Variants in HUWE1 observed in about 807,000 individuals in gnomAD.
HUWE1 encodes the protein E3 ubiquitin-protein ligase HUWE1.
Under a neutral mutation model 299.4 loss-of-function variants are expected in HUWE1, and 18 were observed. The ratio of observed to expected loss-of-function variants is 0.06; its 90% confidence interval spans 0.04 to 0.09. The LOEUF is 0.09. Among genes scored for constraint, HUWE1 ranks in the 10% least tolerant of loss-of-function variants. The pLI is 1.00. For synonymous variants in HUWE1, 1,317 were observed against 1,286.1 expected (o/e 1.02, Z -0.51); for missense variants, 1,832 against 3,462.3 (o/e 0.53, Z 11.82).
chrX:53,549,453 G>C lies in HUWE1; in HGVS notation c.9541C>G (p.Leu3181Val). 8.3e-7 allele frequency: 1 copy of C among 1,211,249 alleles called. No individual in the cohort carries two copies. Among genetic ancestry groups the C allele is most frequent in the Non-Finnish European group, 1.1e-6 (1 of 895,332 alleles). Residue 3181 changes from leucine (L) to valine (V), a missense_variant, in exon 67 of 84, where the codon CTG (leucine) becomes GTG (valine). Physicochemically the swap from Leu to Val is conservative, Grantham distance 32. Coordinates refer to ENST00000262854, the MANE Select transcript of HUWE1 (RefSeq NM_031407.7). ...AGACAAGAAAGGGCTTCGTGGTCCA[G>C]AAGGAGCCGTCCTCGGAGGCGGAGG... The part of the protein sequence containing the change: ...TLLRLRGRLL[L>V]DHEALSCLLV...
At chrX:53,670,258 A>C (rs1557048898) in intron 3 of HUWE1, among the ~76,000 whole-genome samples, 2 of 112,193 alleles carry the variant, frequency 1.8e-5, no homozygotes, top group Non-Finnish European at 3.8e-5. Flanking sequence ...TCTCATAGGA[A>C]GAGGACCACT....
chrX:53,661,163 T>G (rs1357328120), intron 3 of HUWE1, among the ~76,000 whole-genome samples: 2 of 108,632 alleles, frequency 1.8e-5, no homozygotes, highest in Non-Finnish European at 3.8e-5. Flanking sequence ...GCCTCCCGAG[T>G]AGCTGGGACT....
intron 3 of HUWE1, among the ~76,000 whole-genome samples, chrX:53,660,718 T>C (rs185831388): frequency 1.3e-4 from 15 of 111,881 alleles, no homozygotes; most frequent in African/African-American, 3.2e-4. Flanking sequence ...ACATAGCTAA[T>C]TGACATTATT....
chrX:53,563,194 G>C (rs2062373135), intron 52 of HUWE1, among the ~76,000 whole-genome samples: 2 of 112,028 alleles, frequency 1.8e-5, no homozygotes, highest in Non-Finnish European at 3.8e-5. Flanking sequence ...AGGATACTGG[G>C]TATAAAAAAG....
intron 43 of HUWE1, among the ~76,000 whole-genome samples, chrX:53,578,724 A>G (rs1483419487): frequency 1.7e-5 from 1 of 59,091 alleles, no homozygotes; most frequent in Non-Finnish European, 3.1e-5. Context: ...CCGGGAGGTG[A>G]GGGGCGCCTC....
rs782330424 is a variant in HUWE1, at chrX:53,538,294, A to C, written c.11996+43T>G. 4.5e-6 allele frequency: 4 copies of C among 898,134 alleles called. No individual in the cohort carries two copies. The Admixed American group carries it at 8.8e-5, about 20-fold the overall frequency. 74.0% of individuals were successfully genotyped at this position (898,134 alleles called of 1,213,427 possible). ...TTCAGAGGCGAGTTACCATTTGGGG[A>C]GTTCTCACCACCCCTCTACCCCCCA... On this transcript the variant is annotated intron_variant, in intron 77 of 83. Coordinates refer to ENST00000262854, the MANE Select transcript of HUWE1 (RefSeq NM_031407.7).
intron 2 of HUWE1, among the ~76,000 whole-genome samples, chrX:53,682,684 T>A (rs925807540): frequency 9.1e-6 from 1 of 110,189 alleles, no homozygotes; most frequent in African/African-American, 3.3e-5. Flanking sequence ...GATTAAGAAG[T>A]GAGAAGCAGG....
At chrX:53,587,546 A>G (rs2063921157) in intron 37 of HUWE1, among the ~76,000 whole-genome samples, 1 of 112,351 alleles carries the variant, frequency 8.9e-6, no homozygotes, top group African/African-American at 3.2e-5. Flanking sequence ...AAAAAACACT[A>G]AAAGAAAATA....
chrX:53,573,475 T>C (rs1475774356), intron 47 of HUWE1, among the ~76,000 whole-genome samples: 1 of 112,244 alleles, frequency 8.9e-6, no homozygotes, highest in Non-Finnish European at 1.9e-5. Flanking sequence ...GGCTAATTTC[T>C]TTTTGTATTT....
intron 19 of HUWE1, among the ~76,000 whole-genome samples, chrX:53,618,390 A>T (rs1249759407): frequency 1.8e-5 from 2 of 111,004 alleles, no homozygotes; most frequent in Admixed American, 9.6e-5. Flanking sequence ...AATATAAATT[A>T]GAAAAAAGAG....
rs1556988952 is a variant in HUWE1, at chrX:53,600,226, A to G, written c.3055T>C (p.Leu1019=). ...GGTTCATCTGTCTCCATGGGAGCCA[A>G]TGTGTCACCATCTAGCCCAATGCCT... ...LEGIGLDGDT[L]APMETDEPTA... is the part of the protein sequence containing the mutation. Residue 1019 remains leucine (L), a synonymous_variant, in exon 29 of 84, where the codon TTG becomes CTG. Transcript: ENST00000262854. The G allele has an allele frequency of 1.7e-6, 2 of 1,208,529 alleles. No individual in the cohort carries two copies. The highest frequency in any genetic ancestry group is 1.1e-6 in the Non-Finnish European group (1 of 892,586).
At chrX:53,571,528 G>A (rs916220261) in intron 47 of HUWE1, among the ~76,000 whole-genome samples, 2 of 111,349 alleles carry the variant, frequency 1.8e-5, no homozygotes, top group Admixed American at 9.5e-5. Flanking sequence ...CTTGAGCCTG[G>A]GAGTTCAAAG....
At chrX:53,550,641 G>A (rs2061730737) in intron 66 of HUWE1, 25 bp downstream of exon 66, 1 of 1,165,232 alleles carries the variant, frequency 8.6e-7, no homozygotes, top group Non-Finnish European at 1.2e-6. Flanking sequence ...TGGTGATATG[G>A]TAAGGTAAAA....
chrX:53,623,592 C>G (rs2066285924), intron 19 of HUWE1, among the ~76,000 whole-genome samples: 1 of 111,162 alleles, frequency 9.0e-6, no homozygotes, highest in African/African-American at 3.3e-5. Context: ...GCAAAGAGGC[C>G]CATTCTTATT....
chrX:53,632,656 T>C, intron 8 of HUWE1, 92 bp from the exon 9 acceptor site: 1 of 654,490 alleles, frequency 1.5e-6, no homozygotes, highest in East Asian at 3.3e-5. Flanking sequence ...CCTAGCCACT[T>C]GTTCAACTTA....
At chrX:53,677,470 G>A (rs1280317680) in intron 3 of HUWE1, among the ~76,000 whole-genome samples, 1 of 109,676 alleles carries the variant, frequency 9.1e-6, no homozygotes, top group Non-Finnish European at 1.9e-5. Context: ...GTAAGAAATG[G>A]GAGTCAGAAC....
intron 32 of HUWE1, 41 bp from the exon 33 acceptor site, chrX:53,592,669 C>T (rs2064225889): frequency 1.0e-6 from 1 of 952,785 alleles, no homozygotes; most frequent in Non-Finnish European, 1.5e-6. Context: ...CATTTTGCTT[C>T]AATTCAAAGC....
At chrX:53,620,559 G>C (rs2066082042) in intron 19 of HUWE1, among the ~76,000 whole-genome samples, 1 of 111,673 alleles carries the variant, frequency 9.0e-6, no homozygotes, top group Admixed American at 9.4e-5. Context: ...CTGTTGTACT[G>C]TTCACAGAAA....
At chrX:53,577,881 C>T (rs2063239970) in intron 43 of HUWE1, among the ~76,000 whole-genome samples, 1 of 113,533 alleles carries the variant, frequency 8.8e-6, no homozygotes, top group Non-Finnish European at 1.9e-5. Flanking sequence ...ACAACCTCCA[C>T]CTCCCAGCCG....
Sources: gnomAD v4.1 joint callset for allele counts (sites outside exome capture counted in the v4.1 genomes callset) on GRCh38, gnomAD v4.1.1 for gene constraint, MANE v1.5 for transcripts, NCBI Gene and HGNC (gene_info 2026-07-23, HGNC 2026-07-21) for gene names.